MAMLD1: variants seen among roughly 807,000 people sequenced by gnomAD.
MAMLD1 encodes mastermind-like domain-containing protein 1.
MAMLD1 carries 14 observed loss-of-function variants against 45.0 expected under a neutral mutation model. The ratio of observed to expected loss-of-function variants is 0.31; its 90% CI spans 0.21 to 0.49. MAMLD1 has a LOEUF of 0.49. Among genes scored for constraint, MAMLD1 ranks in the 20% least tolerant of loss-of-function variants. The pLI is 0.99. For missense variants in MAMLD1, 543 were observed against 603.6 expected (o/e 0.90, Z 1.05); for synonymous variants, 254 against 247.8 (o/e 1.02, Z -0.24).
At chrX:150,379,397 G>T (rs2032489157) in intron 1 of MAMLD1, among the ~76,000 whole-genome samples, 1 of 111,743 alleles carries the variant, frequency 8.9e-6, no homozygotes, top group Non-Finnish European at 1.9e-5. Flanking sequence ...TTGTCTTTTC[G>T]TAAGAGTGAA....
intron 1 of MAMLD1, among the ~76,000 whole-genome samples, chrX:150,403,511 G>A (rs1412809543): frequency 9.0e-6 from 1 of 111,677 alleles, no homozygotes; most frequent in African/African-American, 3.3e-5. Context: ...TCATATTTTT[G>A]TACTCAGTTT....
intron 1 of MAMLD1, among the ~76,000 whole-genome samples, chrX:150,410,438 A>G (rs1192020138): frequency 3.6e-5 from 4 of 112,219 alleles, no homozygotes; most frequent in African/African-American, 6.5e-5. Context: ...CGGACTGGAC[A>G]TTCAGCATGA....
chrX:150,505,527 C>T (rs1034755864), intron 6 of MAMLD1, among the ~76,000 whole-genome samples: 3 of 112,063 alleles, frequency 2.7e-5, no homozygotes, highest in Non-Finnish European at 3.8e-5. Flanking sequence ...AATACCTTCC[C>T]GTCAGGGTCT....
intron 6 of MAMLD1, among the ~76,000 whole-genome samples, chrX:150,506,146 T>C (rs782343513): frequency 1.8e-4 from 20 of 111,510 alleles, no homozygotes; most frequent in African/African-American, 4.9e-4. Flanking sequence ...TTGGGACAGA[T>C]AGCTGAGCAC....
intron 6 of MAMLD1, among the ~76,000 whole-genome samples, chrX:150,507,614 T>C (rs1879836529): frequency 8.9e-6 from 1 of 112,153 alleles, no homozygotes; most frequent in Non-Finnish European, 1.9e-5. Context: ...CCAGGCTGGG[T>C]GTCAGCAGCG....
rs191663502 is a variant in MAMLD1, at chrX:150,460,203, C to T, written c.97-2569C>T. Among the ~76,000 whole-genome samples the T allele has an allele frequency of 7.0e-3, 790 of 112,072 alleles. 5 individuals are homozygous for T. Among genetic ancestry groups the T allele is most frequent in the Non-Finnish European group, 0.012 (660 of 53,171 alleles). On this transcript the variant is annotated intron_variant, in intron 2 of 7. Transcript: ENST00000370401. ...GATCTGATGGGGCCAATCCAACAGGCATGGAGCCCAGAAACAGGCTTCCAT... is the reference window on the plus strand; with the variant it reads ...GATCTGATGGGGCCAATCCAACAGGTATGGAGCCCAGAAACAGGCTTCCAT...
chrX:150,511,964 C>G, intron 7 of MAMLD1, 40 bp from the exon 8 acceptor site: 17 of 1,038,228 alleles, frequency 1.6e-5, no homozygotes, highest in Non-Finnish European at 2.1e-5. Context: ...GTCGAGGATG[C>G]CTTTGGAACT....
At chrX:150,412,538 G>C (rs1557402862) in intron 1 of MAMLD1, among the ~76,000 whole-genome samples, 3 of 110,624 alleles carry the variant, frequency 2.7e-5, no homozygotes, top group East Asian at 5.7e-4. Flanking sequence ...CTTCTCACTG[G>C]CATCTCAAGC....
At chrX:150,453,463 G>A (rs980131947) in intron 2 of MAMLD1, among the ~76,000 whole-genome samples, 1 of 111,139 alleles carries the variant, frequency 9.0e-6, no homozygotes, top group Admixed American at 9.5e-5. Context: ...GCCCTCATGC[G>A]GCCACGTGTT....
chrX:150,463,392 C>A lies in MAMLD1; in HGVS notation c.171+546C>A, dbSNP rs140078826. 9.4e-3 allele frequency among the ~76,000 whole-genome samples: 1,057 copies of A among 111,865 alleles called. 11 individuals are homozygous for A. Among genetic ancestry groups the A allele is most frequent in the African/African-American group, 0.032 (972 of 30,752 alleles). On this transcript the variant is annotated intron_variant, in intron 3 of 7. Transcript: ENST00000370401. ...CTTAACATGAGTGGGTGTGAGCAGCCCGTCTTGAAGGGCCCAGCAGTTCTG... is the reference window on the plus strand; with the variant it reads ...CTTAACATGAGTGGGTGTGAGCAGCACGTCTTGAAGGGCCCAGCAGTTCTG...
chrX:150,430,149 G>A (rs1557403991), intron 1 of MAMLD1, among the ~76,000 whole-genome samples: 1 of 102,408 alleles, frequency 9.8e-6, no homozygotes, highest in African/African-American at 3.6e-5. Context: ...ATGAGTAGCT[G>A]GAATTACAGG....
In MAMLD1 at chrX:150,512,925, C is replaced by G. The variant is rs1569565079; in HGVS notation, c.*966C>G. 1 of 1,154,350 alleles carries G rather than the reference C, an allele frequency of 8.7e-7. No individual in the cohort carries two copies. Among genetic ancestry groups the G allele is most frequent in the African/African-American group, 1.8e-5 (1 of 55,796 alleles). ...TGCAATGAGGTAGATTTCATTGAAG[C>G]TCTCTTGAAAGGCTCCTGTGTGAGC... On this transcript the variant is annotated 3_prime_UTR_variant, in exon 8 of 8. Transcript: ENST00000370401.
chrX:150,430,714 A>G (rs1232074610), intron 1 of MAMLD1, among the ~76,000 whole-genome samples: 1 of 112,165 alleles, frequency 8.9e-6, no homozygotes, highest in Non-Finnish European at 1.9e-5. Flanking sequence ...ATGTGTTGAA[A>G]AGGCTATTAT....
intron 5 of MAMLD1, among the ~76,000 whole-genome samples, chrX:150,502,502 G>A (rs1223160277): frequency 1.8e-5 from 2 of 112,107 alleles, no homozygotes; most frequent in African/African-American, 6.5e-5. Context: ...TTGCTGACAT[G>A]GATATCAAGT....
At chrX:150,502,434 G>A (rs2037585444) in intron 5 of MAMLD1, among the ~76,000 whole-genome samples, 1 of 112,430 alleles carries the variant, frequency 8.9e-6, no homozygotes, top group Admixed American at 9.4e-5. Context: ...CTAAGCACTT[G>A]GTGTGCTCGT....
chrX:150,400,566 C>G (rs1557402394), intron 1 of MAMLD1, among the ~76,000 whole-genome samples: 1 of 111,944 alleles, frequency 8.9e-6, no homozygotes, highest in Non-Finnish European at 1.9e-5. Context: ...CCAGTATTTG[C>G]CCATTCAGTA....
intron 1 of MAMLD1, among the ~76,000 whole-genome samples, chrX:150,430,897 ATTC>A (rs2034916952): frequency 1.8e-5 from 2 of 112,149 alleles, no homozygotes; most frequent in African/African-American, 6.5e-5. Flanking sequence ...TACACTGGTT[ATTC>A]TTCTTTTTCA....
At chrX:150,487,115 T>C (rs1453621742) in intron 5 of MAMLD1, among the ~76,000 whole-genome samples, 1 of 111,810 alleles carries the variant, frequency 8.9e-6, no homozygotes, top group Non-Finnish European at 1.9e-5. Flanking sequence ...CTGCTGCTAG[T>C]ACAAGGACAC....
intron 1 of MAMLD1, among the ~76,000 whole-genome samples, chrX:150,386,646 T>C (rs1382000256): frequency 8.9e-6 from 1 of 111,905 alleles, no homozygotes; most frequent in Non-Finnish European, 1.9e-5. Flanking sequence ...CTGGTGTTTA[T>C]CTTTTCCCTT....
Sources: gnomAD v4.1 joint callset for allele counts (sites outside exome capture counted in the v4.1 genomes callset) on GRCh38, gnomAD v4.1.1 for gene constraint, MANE v1.5 for transcripts, NCBI Gene and HGNC (gene_info 2026-07-23, HGNC 2026-07-21) for gene names.